Variants in LRIG3 observed in about 807,000 individuals in gnomAD.
LRIG3 encodes the protein leucine-rich repeats and immunoglobulin-like domains protein 3.
A neutral mutation model predicts 114.5 loss-of-function variants in LRIG3; 76 were observed. The ratio of observed to expected loss-of-function variants is 0.66; its 90% CI spans 0.55 to 0.80. The LOEUF (loss-of-function observed/expected upper bound fraction) is 0.80, where lower values mean the gene tolerates loss of function less well. LRIG3 is among the 30% of genes least tolerant of loss of function. LRIG3 has a pLI of 0.00. For missense variants in LRIG3, 1,239 were observed against 1,382.8 expected (o/e 0.90, Z 1.65); for synonymous variants, 512 against 519.8 (o/e 0.98, Z 0.20).
intron 3 of LRIG3, among the ~76,000 whole-genome samples, chr12:58,896,539 A>AC (rs1233510669): frequency 6.6e-6 from 1 of 152,212 alleles, no homozygotes; most frequent in Non-Finnish European, 1.5e-5. Flanking sequence ...TACCTAGTAC[A>AC]CGGATAACAG....
chr12:58,879,207 G>A (rs1565614204), intron 13 of LRIG3, 102 bp from the exon 14 acceptor site: 4 of 1,324,306 alleles, frequency 3.0e-6, no homozygotes, highest in Non-Finnish European at 4.1e-6. Flanking sequence ...CTTACAGATT[G>A]TCCCTGACAT....
intron 15 of LRIG3, 126 bp from the exon 16 acceptor site, chr12:58,876,729 CA>C (rs780602852): frequency 1.1e-6 from 1 of 926,778 alleles, no homozygotes; most frequent in Non-Finnish European, 1.6e-6. Context: ...TCTACTCTGG[CA>C]AAACCATCTC....
intron 5 of LRIG3, among the ~76,000 whole-genome samples, chr12:58,889,554 T>C (rs1016381108): frequency 6.6e-6 from 1 of 152,128 alleles, no homozygotes; most frequent in Non-Finnish European, 1.5e-5. Context: ...CAAGTGTTTG[T>C]AATGTGCAGC....
Position 58,888,948 on chromosome 12 carries a change from T to G in LRIG3, c.674A>C (p.Asn225Thr). Residue 225 changes from asparagine to threonine, a missense_variant, in exon 6 of 19, where the codon AAC (asparagine) becomes ACC (threonine). Coordinates refer to ENST00000320743, the MANE Select transcript of LRIG3 (RefSeq NM_153377.5). The stretch of plus-strand genomic sequence containing the variant: ...CAGTCCATCTACATTTTTAATCTTG[T>G]TTCGGTTCAATTCGCTGCATTGAGT... Reference protein sequence around the residue: ...PQLQHLELNRNKIKNVDGLTF... With the variant: ...PQLQHLELNRTKIKNVDGLTF... 6.2e-7 allele frequency: 1 copy of G among 1,613,364 alleles called. No individual in the cohort carries two copies. The highest frequency in any genetic ancestry group is 1.3e-5 in the African/African-American group (1 of 75,000).
At position 58,920,451 on chromosome 12, in the gene LRIG3, C is replaced by T; in HGVS notation, c.-216G>A. 2.5e-6 allele frequency: 1 copy of T among 401,082 alleles called. No homozygotes were observed. The highest frequency in any genetic ancestry group is 4.4e-6 in the Non-Finnish European group (1 of 229,080). The allele number at this position is 401,082 out of a possible 1,614,324, so 24.8% of individuals were successfully genotyped here. ...GGAAACCGAAAAGAACTGCCAACTG[C>T]AACAGAGTTGCAGCTTGAGCAGCGT... On this transcript the variant is annotated 5_prime_UTR_variant, in exon 1 of 19. Transcript: ENST00000320743.
At chr12:58,906,335 T>G (rs1485420860) in intron 3 of LRIG3, among the ~76,000 whole-genome samples, 1 of 152,188 alleles carries the variant, frequency 6.6e-6, no homozygotes, top group Non-Finnish European at 1.5e-5. Flanking sequence ...ATACCCTCAC[T>G]TGAAAACACA....
At chr12:58,887,990 T>G in intron 7 of LRIG3, 58 bp from the exon 8 acceptor site, 3 of 1,534,738 alleles carry the variant, frequency 2.0e-6, no homozygotes, top group Non-Finnish European at 2.7e-6. Flanking sequence ...CACAATGATT[T>G]GTTTTCCAAA....
At chr12:58,902,196 T>C (rs1412244651) in intron 3 of LRIG3, among the ~76,000 whole-genome samples, 3 of 152,150 alleles carry the variant, frequency 2.0e-5, no homozygotes. Context: ...AGTACTGTCC[T>C]CTATCCTAGG....
At chr12:58,894,394 C>T (rs1871565739) in intron 3 of LRIG3, among the ~76,000 whole-genome samples, 1 of 152,080 alleles carries the variant, frequency 6.6e-6, no homozygotes, top group South Asian at 2.1e-4. Flanking sequence ...TGGCAAGTAC[C>T]CACCTGATAT....
chr12:58,916,797 T>C (rs781625552), intron 1 of LRIG3, among the ~76,000 whole-genome samples: 24 of 152,216 alleles, frequency 1.6e-4, no homozygotes, highest in Non-Finnish European at 8.8e-5. Context: ...GACTTCTCTC[T>C]TCCTGAATAT....
intron 10 of LRIG3, among the ~76,000 whole-genome samples, chr12:58,885,400 T>G (rs767247370): frequency 1.3e-5 from 2 of 152,146 alleles, no homozygotes; most frequent in Non-Finnish European, 2.9e-5. Flanking sequence ...CAATAAACTC[T>G]TAGAACCTCC....
chr12:58,919,699 G>C (rs1376903824), intron 1 of LRIG3, among the ~76,000 whole-genome samples: 1 of 152,176 alleles, frequency 6.6e-6, no homozygotes, highest in Non-Finnish European at 1.5e-5. Context: ...CCCTTGGCTA[G>C]CTTAGGGCGC....
chr12:58,889,968 A>G (rs1184215926), intron 5 of LRIG3, 28 bp downstream of exon 5: 1 of 1,608,536 alleles, frequency 6.2e-7, no homozygotes, highest in South Asian at 1.1e-5. Context: ...GAGGTGAGAA[A>G]CAGTATCTAA....
chr12:58,877,226 C>T (rs1870951226), intron 15 of LRIG3, among the ~76,000 whole-genome samples, 174 bp downstream of exon 15: 2 of 152,250 alleles, frequency 1.3e-5, no homozygotes, highest in Admixed American at 6.5e-5. Context: ...AATCTTTAAA[C>T]ATCAGCTTTA....
rs777985306 is a variant in LRIG3 at position 58,874,375 on chromosome 12, C to T, written c.2840-45G>A. ...TAACAGAAGGAGATTACAGTTAGCA[C>T]ATCTAGAAGTCTCTCTAAGAAACAG... On this transcript the variant is annotated intron_variant, in intron 17 of 18. Transcript: ENST00000320743. 6 of 1,610,016 alleles carry T rather than the reference C, an allele frequency of 3.7e-6. No individual in the cohort carries two copies. In the East Asian group the frequency reaches 1.1e-4, roughly 30 times the overall value.
At chr12:58,919,955 T>C (rs758170678) in intron 1 of LRIG3, 45 bp downstream of exon 1, 3 of 1,523,084 alleles carry the variant, frequency 2.0e-6, no homozygotes, top group Non-Finnish European at 2.7e-6. Context: ...TTTTCTCGAA[T>C]CTCCAGCGGC....
chr12:58,892,624 TTC>T (rs1178509753), intron 3 of LRIG3, among the ~76,000 whole-genome samples: 5 of 152,196 alleles, frequency 3.3e-5, no homozygotes, highest in African/African-American at 1.2e-4. Flanking sequence ...AGAAGCAGAA[TTC>T]TCTCTATATA....
At chr12:58,915,652 T>C (rs967798647) in intron 1 of LRIG3, among the ~76,000 whole-genome samples, 1 of 152,168 alleles carries the variant, frequency 6.6e-6, no homozygotes, top group Admixed American at 6.5e-5. Context: ...AGTTATAACA[T>C]GAAAAAAATC....
chr12:58,882,866 C>T lies in LRIG3; in HGVS notation c.1480+3G>A. On this transcript the variant is annotated splice_donor_region_variant and intron_variant, in intron 12 of 18. Coordinates refer to ENST00000320743, the MANE Select transcript of LRIG3 (RefSeq NM_153377.5). The stretch of plus-strand genomic sequence containing the variant: ...AAAAGGCAAGGGCAATACTTATACT[C>T]ACCACACACAAAGCCATCTGGGCTA... 6.2e-7 allele frequency: 1 copy of T among 1,612,112 alleles called. No homozygotes were observed. Among genetic ancestry groups the T allele is most frequent in the Non-Finnish European group, 8.5e-7 (1 of 1,179,142 alleles).
Sources: allele counts gnomAD v4.1 joint callset (sites outside exome capture counted in the v4.1 genomes callset), GRCh38; gene constraint gnomAD v4.1.1; transcripts MANE v1.5; gene names NCBI Gene and HGNC (gene_info 2026-07-23, HGNC 2026-07-21).